SI: variants seen among roughly 807,000 people sequenced by gnomAD.
The protein encoded by SI is sucrase-isomaltase, intestinal.
In SI, 235 loss-of-function variants were observed where a neutral mutation model predicts 253.3. The ratio of observed to expected loss-of-function variants is 0.93; its 90% CI spans 0.83 to 1.03. The LOEUF is 1.03. Ranked by LOEUF, SI falls within the 50% of genes least tolerant of loss-of-function variation. The pLI is 0.00. For missense variants in SI, 2,442 were observed against 2,211.1 expected (o/e 1.10, Z -2.09); for synonymous variants, 819 against 712.0 (o/e 1.15, Z -2.39).
the SI span, among the ~76,000 whole-genome samples, chr3:165,089,696 C>G: frequency 1.3e-5 from 2 of 152,098 alleles, no homozygotes; most frequent in Non-Finnish European, 2.9e-5. Flanking sequence ...CTCAGGGTCT[C>G]TGATGAGGCT....
chr3:165,044,383 T>C (rs1447057183), intron 16 of SI, among the ~76,000 whole-genome samples: 1 of 152,020 alleles, frequency 6.6e-6, no homozygotes, highest in African/African-American at 2.4e-5. Flanking sequence ...TTGCAAGCAC[T>C]ATATAGCACA....
chr3:165,043,936 T>C (rs1054907416), intron 16 of SI, among the ~76,000 whole-genome samples: 3 of 152,042 alleles, frequency 2.0e-5, no homozygotes, highest in African/African-American at 7.2e-5. Flanking sequence ...GTGAAATTTA[T>C]ATATAGGCTG....
chr3:165,076,909 T>C (rs920686495), intron 1 of SI, among the ~76,000 whole-genome samples: 2 of 151,382 alleles, frequency 1.3e-5, no homozygotes, highest in Admixed American at 1.3e-4. Context: ...CAAAGACATA[T>C]ACCAAAGTAG....
rs753419870 is a variant in SI at position 164,998,639 on chromosome 3, C to G, written c.4441G>C (p.Val1481Leu). The G allele has an allele frequency of 6.2e-7, 1 of 1,611,792 alleles. No homozygotes were observed. Residue 1481 changes from valine (V) to leucine (L), a missense_variant, in exon 38 of 48, where the codon GTA (valine) becomes CTA (leucine). Coordinates refer to ENST00000264382, the MANE Select transcript of SI (RefSeq NM_001041.4). ...LQKTTGKRGI[V>L]ISRSTYPTSG... ...GTAGGATACGTGGAACGAGAAATTA[C>G]AATCCCTCTTTTTCCAGTTGTCTTC... is the stretch of plus-strand genomic sequence containing the variant.
intron 40 of SI, 23 bp downstream of exon 40, chr3:164,996,512 A>C: frequency 8.2e-7 from 1 of 1,222,668 alleles, no homozygotes; most frequent in Non-Finnish European, 1.2e-6. Context: ...AAAATACTGA[A>C]AGTAAATGTA....
At chr3:165,078,653 C>G (rs1359712338), upstream of SI, among the ~76,000 whole-genome samples, 1 of 151,594 alleles carries the variant, frequency 6.6e-6, no homozygotes, top group African/African-American at 2.4e-5. Context: ...CTCTGGGAAT[C>G]TAAGTTAATT....
chr3:164,982,536 T>C (rs1717241668), intron 46 of SI, 126 bp from the exon 47 acceptor site: 2 of 726,154 alleles, frequency 2.8e-6, no homozygotes, highest in South Asian at 3.3e-5. Context: ...GTGCATTTGA[T>C]ATAAGGTATT....
Position 165,045,468 on chromosome 3 carries a change from C to CT in SI, c.1887+1372dup, listed in dbSNP as rs1158338209. Among the ~76,000 whole-genome samples the CT allele has an allele frequency of 1.6e-4, 25 of 151,986 alleles. No individual in the cohort carries two copies. The East Asian group carries it at 2.3e-3, about 14-fold the overall frequency. Reference sequence around the variant, plus strand: ...ATTTGAATATTGCTTGTTTTTCCTTCTTTTTTTAACAAATATGCTATAAAT... The same window carrying CT: ...ATTTGAATATTGCTTGTTTTTCCTTCTTTTTTTTAACAAATATGCTATAAAT... On this transcript the variant is annotated intron_variant, in intron 16 of 47. Coordinates refer to ENST00000264382, the MANE Select transcript of SI (RefSeq NM_001041.4).
Position 164,999,675 on chromosome 3 carries a change from C to T in SI, c.4407-1002G>A, listed in dbSNP as rs1219221662. Among the ~76,000 whole-genome samples the T allele has an allele frequency of 2.0e-5, 3 of 151,528 alleles. No individual in the cohort carries two copies. In the East Asian group the frequency reaches 5.8e-4, roughly 29 times the overall value. On this transcript the variant is annotated intron_variant, in intron 37 of 47. Transcript: ENST00000264382. ...CTCCTTCCATGACACCTTGAGATTC[C>T]TAAAATCAAGTGCTATACTTTAATC...
intron 2 of SI, among the ~76,000 whole-genome samples, chr3:165,075,164 A>G (rs1211978289): frequency 2.6e-5 from 4 of 152,004 alleles, no homozygotes; most frequent in Non-Finnish European, 4.4e-5. Flanking sequence ...TACCAACGCC[A>G]TATAAATAAC....
At chr3:165,064,973 A>G (rs552384186) in intron 7 of SI, among the ~76,000 whole-genome samples, 9 of 152,204 alleles carry the variant, frequency 5.9e-5, no homozygotes, top group African/African-American at 2.2e-4. Context: ...GATGGATATA[A>G]GTACAAGGTG....
intron 1 of SI, among the ~76,000 whole-genome samples, 189 bp downstream of exon 1, chr3:165,078,244 A>G (rs1339860728): frequency 6.6e-6 from 1 of 151,584 alleles, no homozygotes; most frequent in Non-Finnish European, 1.5e-5. Context: ...CTGTATTTAA[A>G]AAAAAATTAG....
intron 14 of SI, among the ~76,000 whole-genome samples, chr3:165,049,588 T>C (rs1481253851): frequency 6.6e-6 from 1 of 152,122 alleles, no homozygotes; most frequent in Admixed American, 6.6e-5. Flanking sequence ...TATGGACCAA[T>C]TTTAAAGCCT....
At chr3:165,012,840 C>T in intron 34 of SI, 140 bp downstream of exon 34, 4 of 681,882 alleles carry the variant, frequency 5.9e-6, no homozygotes, top group Non-Finnish European at 2.6e-6. Flanking sequence ...TAAATTTTAT[C>T]TAAATATGGT....
At chr3:165,038,201 A>C (rs1422955919) in intron 20 of SI, among the ~76,000 whole-genome samples, 177 bp from the exon 21 acceptor site, 1 of 151,930 alleles carries the variant, frequency 6.6e-6, no homozygotes, top group Non-Finnish European at 1.5e-5. Flanking sequence ...AAAGTAGAGG[A>C]AAAATAAGTT....
At position 165,032,675 on chromosome 3, in the gene SI, C is replaced by T; in HGVS notation, c.2583G>A (p.Val861=). ...FSVSNNTLDI[V]CTHSSYQEGT... The stretch of plus-strand genomic sequence containing the variant: ...CTTCCTGATATGATGAATGTGTGCA[C>T]ACAATATCTAATGTGTTCTGAGAAA... The change falls in exon 24 of 48, where the codon GTG becomes GTA. Residue 861 remains valine, a synonymous_variant. Transcript: ENST00000264382. The T allele has an allele frequency of 1.9e-6, 3 of 1,602,030 alleles. No homozygotes were observed. Among genetic ancestry groups the T allele is most frequent in the Non-Finnish European group, 2.6e-6 (3 of 1,170,858 alleles).
chr3:165,004,297 T>C (rs116055684), intron 37 of SI, among the ~76,000 whole-genome samples: 3,464 of 152,256 alleles, frequency 0.023, 83 homozygotes, highest in South Asian at 0.035. Context: ...AGACAGCCAG[T>C]AACAAATGCT....
chr3:165,059,677 C>A (rs1015690377), intron 10 of SI, among the ~76,000 whole-genome samples: 2 of 151,832 alleles, frequency 1.3e-5, no homozygotes, highest in Non-Finnish European at 2.9e-5. Context: ...AATATGTATT[C>A]TGTTCTAGTA....
chr3:164,982,717 G>C (rs1201858053), intron 46 of SI, among the ~76,000 whole-genome samples: 1 of 152,102 alleles, frequency 6.6e-6, no homozygotes, highest in East Asian at 1.9e-4. Context: ...GAGTGCAATA[G>C]TGCAGTCATG....
Sources: allele counts gnomAD v4.1 joint callset (sites outside exome capture counted in the v4.1 genomes callset), GRCh38; gene constraint gnomAD v4.1.1; transcripts MANE v1.5; gene names NCBI Gene and HGNC (gene_info 2026-07-23, HGNC 2026-07-21).